Variants in THNSL1 observed in about 807,000 individuals in gnomAD.
The protein encoded by THNSL1 is threonine synthase-like 1.
Under a neutral mutation model 50.4 loss-of-function variants are expected in THNSL1, and 48 were observed. The ratio of observed to expected loss-of-function variants is 0.95; its 90% confidence interval spans 0.76 to 1.21. The LOEUF (loss-of-function observed/expected upper bound fraction) is 1.21. Ranked by LOEUF, THNSL1 falls within the 50% of genes most tolerant of loss-of-function variation. The pLI, the probability that THNSL1 is intolerant of heterozygous loss-of-function variation, is 0.00. For synonymous variants in THNSL1, 309 were observed against 306.1 expected, an observed-to-expected ratio of 1.01 and a Z score of -0.10; for missense variants, 896 against 871.7, an observed-to-expected ratio of 1.03 and a Z score of -0.35.
the THNSL1 span, among the ~76,000 whole-genome samples, chr10:24,966,049 A>G: frequency 6.6e-6 from 1 of 152,258 alleles, no homozygotes; most frequent in Non-Finnish European, 1.5e-5. Context: ...TGCCTGCAAT[A>G]GTATTTGGAT....
At chr10:24,988,084 C>T in the THNSL1 span, among the ~76,000 whole-genome samples, 4 of 151,266 alleles carry the variant, frequency 2.6e-5, no homozygotes, top group Admixed American at 2.0e-4. Context: ...ATTAGGTGGG[C>T]GTGGTGGTGC....
At chr10:24,973,452 G>A in the THNSL1 span, among the ~76,000 whole-genome samples, 3 of 152,080 alleles carry the variant, frequency 2.0e-5, no homozygotes, top group African/African-American at 7.2e-5. Context: ...ACAGCATGCA[G>A]TTTAAAACAT....
upstream of THNSL1, chr10:25,016,272 G>T: frequency 1.3e-6 from 1 of 745,032 alleles, no homozygotes; most frequent in Non-Finnish European, 1.7e-6. Flanking sequence ...AGCTCATTTG[G>T]AAGCCACTGT....
At chr10:25,001,499 T>A in the THNSL1 span, among the ~76,000 whole-genome samples, 1 of 152,154 alleles carries the variant, frequency 6.6e-6, no homozygotes, top group Non-Finnish European at 1.5e-5. Context: ...TCCTCTTCCA[T>A]GATTCTTTGA....
At chr10:25,016,735 A>C (rs967984592) in intron 1 of THNSL1, 43 bp downstream of exon 1, 2 of 152,364 alleles carry the variant, frequency 1.3e-5, no homozygotes, top group African/African-American at 2.4e-5. Flanking sequence ...CGGCTCGTGG[A>C]CACTGCTCCC....
chr10:25,009,132 G>A, the THNSL1 span, among the ~76,000 whole-genome samples: 1 of 152,138 alleles, frequency 6.6e-6, no homozygotes, highest in African/African-American at 2.4e-5. Context: ...GGGAGGGATA[G>A]CATTAGGAGA....
At chr10:25,012,059 C>T (rs753818538), upstream of THNSL1, among the ~76,000 whole-genome samples, 6 of 152,332 alleles carry the variant, frequency 3.9e-5, no homozygotes, top group East Asian at 3.9e-4. Flanking sequence ...AAGGGGACAA[C>T]GTAGAGCTCA....
At chr10:24,972,060 CG>C in the THNSL1 span, among the ~76,000 whole-genome samples, 2 of 150,518 alleles carry the variant, frequency 1.3e-5, no homozygotes, top group Non-Finnish European at 3.0e-5. Flanking sequence ...GGCGTGGTAG[CG>C]GGCACCTGTA....
the THNSL1 span, among the ~76,000 whole-genome samples, chr10:25,010,520 T>C: frequency 6.6e-6 from 1 of 151,860 alleles, no homozygotes; most frequent in Non-Finnish European, 1.5e-5. Flanking sequence ...TGTATACATG[T>C]GCCATGCTGG....
the THNSL1 span, among the ~76,000 whole-genome samples, chr10:24,957,195 A>G: frequency 6.6e-6 from 1 of 152,198 alleles, no homozygotes; most frequent in African/African-American, 2.4e-5. Flanking sequence ...CCAGTATTCT[A>G]GTCTCTACTT....
the THNSL1 span, among the ~76,000 whole-genome samples, chr10:24,994,499 A>G: frequency 6.6e-6 from 1 of 151,458 alleles, no homozygotes; most frequent in African/African-American, 2.4e-5. Flanking sequence ...ACGCCTGGCT[A>G]ATTTTTGTAT....
At chr10:25,021,172 C>T (rs1850711345) in intron 1 of THNSL1, among the ~76,000 whole-genome samples, 1 of 152,176 alleles carries the variant, frequency 6.6e-6, no homozygotes, top group Non-Finnish European at 1.5e-5. Flanking sequence ...ATTCCTAGCC[C>T]ACTGTCAGTG....
chr10:25,007,806 A>C, the THNSL1 span, among the ~76,000 whole-genome samples: 4 of 152,072 alleles, frequency 2.6e-5, no homozygotes, highest in African/African-American at 9.6e-5. Context: ...TGGAAGCCAC[A>C]ATGTTCCTTG....
In THNSL1 at chr10:25,023,464, T is replaced by G. The variant is rs555284370; in HGVS notation, c.241T>G (p.Cys81Gly). Residue 81 changes from cysteine (C) to glycine (G), a missense_variant, in exon 3 of 3, where the codon TGT (cysteine) becomes GGT (glycine). Coordinates refer to ENST00000376356, the MANE Select transcript of THNSL1 (RefSeq NM_024838.5). ...VGRIIGQKLG[C>G]CVIDVDDDIL... ...CAGAATAATAGGTCAGAAACTAGGT[T>G]GTTGTGTCATAGATGTGGATGATGA... 1.5e-4 allele frequency: 237 copies of G among 1,614,136 alleles called. 2 individuals are homozygous for G. The Middle Eastern group carries it at 2.8e-3, about 19-fold the overall frequency.
the THNSL1 span, among the ~76,000 whole-genome samples, chr10:24,956,465 A>ATT: frequency 1.8e-3 from 241 of 131,842 alleles, 3 homozygotes; most frequent in African/African-American, 7.1e-3. Context: ...CATTTTATTT[A>ATT]TTTTTTTTTT....
In THNSL1 at chr10:25,025,684, A is replaced by G; in HGVS notation, c.*229A>G. 2.1e-6 allele frequency: 1 copy of G among 485,540 alleles called. No individual in the cohort carries two copies. The highest frequency in any genetic ancestry group is 3.5e-5 in the East Asian group (1 of 28,814). 30.1% of individuals were successfully genotyped at this position (485,540 alleles called of 1,614,324 possible). On this transcript the variant is annotated 3_prime_UTR_variant, in exon 3 of 3. Transcript: ENST00000376356. ...ACAGTGCACGGACCTTTGAGCTATC[A>G]TACTTTTGCCTTCTGCTCATGAGGG...
At chr10:24,978,778 A>T in the THNSL1 span, among the ~76,000 whole-genome samples, 1 of 151,998 alleles carries the variant, frequency 6.6e-6, no homozygotes, top group East Asian at 1.9e-4. Flanking sequence ...TGGAGACCAA[A>T]CTCTTGTTTG....
At chr10:24,952,554 C>A in the THNSL1 span, 1 of 1,592,252 alleles carries the variant, frequency 6.3e-7, no homozygotes, top group African/African-American at 1.3e-5. This position sits in a 1 kb window ranked among gnomAD's most constrained non-coding sequence, Gnocchi z 5.1. Flanking sequence ...TAGTCTGGCG[C>A]CTCCTCGCTG....
intron 2 of THNSL1, among the ~76,000 whole-genome samples, chr10:25,022,342 T>A (rs1413393773): frequency 6.6e-6 from 1 of 152,196 alleles, no homozygotes; most frequent in African/African-American, 2.4e-5. Flanking sequence ...GTCTGGAAAT[T>A]GAGTTAAATC....
Sources: gnomAD v4.1 joint callset for allele counts (sites outside exome capture counted in the v4.1 genomes callset) on GRCh38, gnomAD v4.1.1 for gene constraint, Gnocchi (gnomAD v3.1) non-coding constraint, MANE v1.5 for transcripts, NCBI Gene and HGNC (gene_info 2026-07-23, HGNC 2026-07-21) for gene names.